Variants in ACO1 observed in about 807,000 individuals in gnomAD.
ACO1 encodes aconitase 1, also known as cytoplasmic aconitate hydratase.
ACO1 carries 78 observed loss-of-function variants against 105.1 expected under a neutral mutation model. That is an observed-to-expected ratio of 0.74 (90% confidence interval 0.62 to 0.90). The LOEUF (loss-of-function observed/expected upper bound fraction) is 0.90, where lower values mean the gene tolerates loss of function less well. ACO1 is among the 40% of genes least tolerant of loss of function. The pLI is 0.00. For synonymous variants in ACO1, 364 were observed against 397.4 expected (o/e 0.92, Z 1.00); for missense variants, 965 against 1,111.1 (o/e 0.87, Z 1.87).
At chr9:32,449,941 C>T (rs563233320) in intron 20 of ACO1, 57 bp from the exon 21 acceptor site, 69 of 1,430,100 alleles carry the variant, frequency 4.8e-5, no homozygotes, top group South Asian at 4.1e-4. Flanking sequence ...GAATTTCCTC[C>T]GAGCAGAGCT....
intron 1 of ACO1, among the ~76,000 whole-genome samples, chr9:32,395,593 A>G (rs1821356799): frequency 6.6e-6 from 1 of 152,190 alleles, no homozygotes; most frequent in South Asian, 2.1e-4. Flanking sequence ...TAGGGGGCCC[A>G]CATTCTGAGA....
intron 4 of ACO1, among the ~76,000 whole-genome samples, chr9:32,416,263 T>A (rs1821846890): frequency 6.6e-6 from 1 of 151,878 alleles, no homozygotes; most frequent in Non-Finnish European, 1.5e-5. Flanking sequence ...CCCGGCTAAT[T>A]TTTATATTTT....
At chr9:32,430,360 A>G in intron 13 of ACO1, 58 bp from the exon 14 acceptor site, 1 of 1,528,460 alleles carries the variant, frequency 6.5e-7, no homozygotes, top group Non-Finnish European at 8.8e-7. Flanking sequence ...CAATGGTCTG[A>G]GACAAGAAGC....
chr9:32,419,823 C>A (rs1204235571), intron 7 of ACO1, among the ~76,000 whole-genome samples: 1 of 152,122 alleles, frequency 6.6e-6, no homozygotes, highest in Non-Finnish European at 1.5e-5. Context: ...CTGTGATTTG[C>A]TTGTTTTGTA....
At position 32,439,820 on chromosome 9, in the gene ACO1, G is replaced by A. The variant is rs377575858; in HGVS notation, c.2248-645G>A. ...AGCCAAAATGTTTAGGTCACATTCTGTTTTTTGAGTTTTAAAATAATTTAG... is the reference window on the plus strand; with the variant it reads ...AGCCAAAATGTTTAGGTCACATTCTATTTTTTGAGTTTTAAAATAATTTAG... On this transcript the variant is annotated intron_variant, in intron 18 of 20. Coordinates refer to ENST00000309951, the MANE Select transcript of ACO1 (RefSeq NM_002197.3). This position sits in a 1 kb window ranked among gnomAD's most constrained non-coding sequence, Gnocchi z 4.0. Among the ~76,000 whole-genome samples the A allele has an allele frequency of 1.3e-5, 2 of 152,220 alleles. No individual in the cohort carries two copies. The highest frequency in any genetic ancestry group is 4.1e-4 in the South Asian group (2 of 4,830).
At chr9:32,440,175 G>A (rs1822444957) in intron 18 of ACO1, among the ~76,000 whole-genome samples, 1 of 151,930 alleles carries the variant, frequency 6.6e-6, no homozygotes. Flanking sequence ...ACTGGAGCAG[G>A]AGAATCAATT....
At chr9:32,449,816 G>C (rs573404037) in intron 20 of ACO1, among the ~76,000 whole-genome samples, 182 bp from the exon 21 acceptor site, 1 of 152,272 alleles carries the variant, frequency 6.6e-6, no homozygotes, top group South Asian at 2.1e-4. Flanking sequence ...CAGAGATCTT[G>C]CTGAAATGCA....
At chr9:32,436,948 T>C (rs1426830608) in intron 18 of ACO1, among the ~76,000 whole-genome samples, 1 of 152,184 alleles carries the variant, frequency 6.6e-6, no homozygotes, top group East Asian at 1.9e-4. Context: ...CTACTTACCT[T>C]GGAAGAACGC....
chr9:32,427,279 A>T (rs780958136), intron 11 of ACO1, 22 bp from the exon 12 acceptor site: 12 of 1,613,804 alleles, frequency 7.4e-6, no homozygotes, highest in Non-Finnish European at 1.0e-5. Flanking sequence ...CCCACACTGC[A>T]TCTGTGTTTA....
rs1222303669 is a variant in ACO1 at position 32,400,038 on chromosome 9, T to C, written c.-22-5447T>C. Among the ~76,000 whole-genome samples, 7 of 140,806 alleles carry C rather than the reference T, an allele frequency of 5.0e-5. 1 individual carries two copies. The East Asian group carries it at 1.1e-3, about 21-fold the overall frequency. 92.4% of individuals were successfully genotyped at this position (140,806 alleles called of 152,430 possible). A position where few individuals can be genotyped will look rare whatever the true frequency, so the allele number is the denominator to read the frequency against. ...CAGGCTGGAGTGCAATGGCACGATC[T>C]TGGTTCACTGCACCCTCCGCCTGCT... On this transcript the variant is annotated intron_variant, in intron 1 of 20. Transcript: ENST00000309951.
intron 1 of ACO1, among the ~76,000 whole-genome samples, chr9:32,400,132 G>A (rs910628681): frequency 1.3e-5 from 2 of 151,678 alleles, no homozygotes; most frequent in Non-Finnish European, 2.9e-5. Flanking sequence ...CACCATGCCC[G>A]GCTAATTTTT....
intron 1 of ACO1, among the ~76,000 whole-genome samples, chr9:32,403,483 G>A (rs1397579895): frequency 6.6e-6 from 1 of 152,148 alleles, no homozygotes; most frequent in African/African-American, 2.4e-5. Flanking sequence ...CCACCATATT[G>A]GTCACTATAT....
intron 17 of ACO1, 156 bp from the exon 18 acceptor site, chr9:32,436,094 A>G: frequency 1.0e-6 from 1 of 967,456 alleles, no homozygotes; most frequent in Non-Finnish European, 1.6e-6. Flanking sequence ...AGCTTTGGGG[A>G]CAGCTTTTCT....
chr9:32,390,869 T>C (rs565130169), intron 1 of ACO1, among the ~76,000 whole-genome samples: 1 of 152,332 alleles, frequency 6.6e-6, no homozygotes, highest in East Asian at 1.9e-4. Context: ...ATCTGGAGCC[T>C]GTGGGTCTTC....
chr9:32,408,809 TA>T (rs1333984899), intron 4 of ACO1, among the ~76,000 whole-genome samples, 158 bp downstream of exon 4: 3 of 152,372 alleles, frequency 2.0e-5, no homozygotes, highest in East Asian at 1.9e-4. Context: ...AAAGATGTTT[TA>T]GGGGGAAGAG....
At chr9:32,418,060 C>T (rs1321104003) in intron 4 of ACO1, 68 bp from the exon 5 acceptor site, 1 of 1,426,184 alleles carries the variant, frequency 7.0e-7, no homozygotes, top group Non-Finnish European at 9.8e-7. Flanking sequence ...GTTTCTTCAT[C>T]ACCAATAAAT....
chr9:32,402,445 C>A (rs556421807), intron 1 of ACO1, among the ~76,000 whole-genome samples: 2 of 152,126 alleles, frequency 1.3e-5, no homozygotes, highest in African/African-American at 2.4e-5. Flanking sequence ...GAGCCAAGAA[C>A]AAAGTAGCAG....
intron 17 of ACO1, among the ~76,000 whole-genome samples, chr9:32,435,490 C>T (rs1374620197): frequency 6.6e-6 from 1 of 152,184 alleles, no homozygotes; most frequent in African/African-American, 2.4e-5. Context: ...ACCCATTAAA[C>T]TCTCTCAGTC....
chr9:32,392,815 T>C (rs1821293634), intron 1 of ACO1, among the ~76,000 whole-genome samples: 2 of 152,230 alleles, frequency 1.3e-5, no homozygotes, highest in Non-Finnish European at 2.9e-5. Context: ...TTCATGGACA[T>C]TTATTAGTTC....
Sources: gnomAD v4.1 joint callset for allele counts (sites outside exome capture counted in the v4.1 genomes callset) on GRCh38, gnomAD v4.1.1 for gene constraint, Gnocchi (gnomAD v3.1) non-coding constraint, MANE v1.5 for transcripts, NCBI Gene and HGNC (gene_info 2026-07-23, HGNC 2026-07-21) for gene names.